TENM3: variants seen among roughly 807,000 people sequenced by gnomAD.
TENM3 encodes teneurin-3.
A neutral mutation model predicts 255.1 loss-of-function variants in TENM3; 63 were observed. The ratio of observed to expected loss-of-function variants is 0.25; its 90% confidence interval spans 0.20 to 0.30. The LOEUF (loss-of-function observed/expected upper bound fraction) is 0.30. Ranked by LOEUF, TENM3 falls within the 10% of genes least tolerant of loss-of-function variation. The pLI is 1.00. For missense variants in TENM3, 2,929 were observed against 3,461.1 expected, an observed-to-expected ratio of 0.85 and a Z score of 3.86; for synonymous variants, 1,306 against 1,322.3, an observed-to-expected ratio of 0.99 and a Z score of 0.27.
the TENM3 span, among the ~76,000 whole-genome samples, chr4:181,536,055 A>G: frequency 0.018 from 2,720 of 152,304 alleles, 86 homozygotes; most frequent in African/African-American, 0.062. Flanking sequence ...CCGCACCTGT[A>G]TATTTTATGA....
the TENM3 span, among the ~76,000 whole-genome samples, chr4:181,937,573 G>A: frequency 1.3e-5 from 2 of 152,214 alleles, no homozygotes; most frequent in African/African-American, 2.4e-5. Context: ...TAAAGAACAT[G>A]AGGACAGACG....
At chr4:182,787,593 G>C (rs1184010301) in intron 24 of TENM3, among the ~76,000 whole-genome samples, 3 of 151,974 alleles carry the variant, frequency 2.0e-5, no homozygotes, top group Non-Finnish European at 4.4e-5. Context: ...AATTAGCTGG[G>C]TATGGTGGCA....
At chr4:181,941,057 C>T in the TENM3 span, among the ~76,000 whole-genome samples, 1 of 152,288 alleles carries the variant, frequency 6.6e-6, no homozygotes, top group Non-Finnish European at 1.5e-5. Flanking sequence ...AACCATTCCC[C>T]GAGCTTCAGA....
chr4:182,331,963 C>T (rs948070114), intron 2 of TENM3, among the ~76,000 whole-genome samples: 2 of 152,088 alleles, frequency 1.3e-5, no homozygotes, highest in Non-Finnish European at 2.9e-5. Context: ...AAAAATAAGA[C>T]AGCAATTACA....
the TENM3 span, among the ~76,000 whole-genome samples, chr4:181,504,422 C>G: frequency 6.6e-6 from 1 of 152,162 alleles, no homozygotes; most frequent in Non-Finnish European, 1.5e-5. Context: ...CAGAAGAAAA[C>G]AGGAACTGCT....
chr4:181,712,583 T>C, the TENM3 span, among the ~76,000 whole-genome samples: 1 of 152,204 alleles, frequency 6.6e-6, no homozygotes, highest in Admixed American at 6.5e-5. Context: ...GGTATTTCTA[T>C]ATAGCAATGA....
At chr4:182,733,224 G>A (rs985794999) in intron 16 of TENM3, among the ~76,000 whole-genome samples, 3 of 152,168 alleles carry the variant, frequency 2.0e-5, no homozygotes, top group African/African-American at 7.2e-5. Flanking sequence ...AAATAGAAGG[G>A]GATTCTTGGC....
chr4:182,271,278 T>C (rs1475947556), intron 1 of TENM3, among the ~76,000 whole-genome samples: 1 of 152,166 alleles, frequency 6.6e-6, no homozygotes, highest in Non-Finnish European at 1.5e-5. Context: ...ACCCCCTTCC[T>C]AAGTGCGGCT....
chr4:182,107,849 T>C, the TENM3 span, among the ~76,000 whole-genome samples: 1 of 152,174 alleles, frequency 6.6e-6, no homozygotes, highest in Non-Finnish European at 1.5e-5. Flanking sequence ...GATTTCCAAA[T>C]AGTTTCACAG....
chr4:181,495,252 G>T, the TENM3 span, among the ~76,000 whole-genome samples: 329 of 152,202 alleles, frequency 2.2e-3, no homozygotes, highest in Middle Eastern at 6.8e-3. Context: ...GTTAAGTCTG[G>T]GCTACAAACT....
chr4:182,788,021 A>T (rs187385832), intron 24 of TENM3, among the ~76,000 whole-genome samples: 2 of 152,352 alleles, frequency 1.3e-5, no homozygotes, highest in Non-Finnish European at 2.9e-5. Flanking sequence ...ATGTATATAC[A>T]CATATATTTA....
the TENM3 span, among the ~76,000 whole-genome samples, chr4:181,932,834 A>G: frequency 6.6e-6 from 1 of 152,366 alleles, no homozygotes; most frequent in East Asian, 1.9e-4. Context: ...CTGTGCAGCC[A>G]TAAAAAAGAA....
At chr4:181,536,832 TA>T in the TENM3 span, among the ~76,000 whole-genome samples, 1 of 152,196 alleles carries the variant, frequency 6.6e-6, no homozygotes, top group South Asian at 2.1e-4. Flanking sequence ...CCCTTGGCTT[TA>T]AAAAGGCAGT....
chr4:182,601,326 C>A (rs896238090), intron 4 of TENM3, among the ~76,000 whole-genome samples, 165 bp downstream of exon 4: 6 of 151,940 alleles, frequency 3.9e-5, no homozygotes, highest in Admixed American at 2.0e-4. Context: ...TTTTTAGTTG[C>A]TGGGTCAGTG....
chr4:182,610,836 T>A (rs1006227971), intron 4 of TENM3, among the ~76,000 whole-genome samples: 3 of 150,612 alleles, frequency 2.0e-5, no homozygotes, highest in African/African-American at 7.3e-5. Context: ...CTTGACCTCC[T>A]GGGCTCAAGC....
At chr4:182,060,077 G>A in the TENM3 span, among the ~76,000 whole-genome samples, 6 of 152,108 alleles carry the variant, frequency 3.9e-5, no homozygotes, top group Non-Finnish European at 5.9e-5. Flanking sequence ...CATCTCTATC[G>A]AAAGTACAAA....
intron 1 of TENM3, among the ~76,000 whole-genome samples, chr4:182,157,818 G>A (rs923067553): frequency 2.6e-5 from 4 of 152,138 alleles, no homozygotes; most frequent in African/African-American, 4.8e-5. Context: ...AGGCATCAAC[G>A]GTAGCAAGCC....
chr4:182,043,605 G>GT, the TENM3 span, among the ~76,000 whole-genome samples: 1 of 152,210 alleles, frequency 6.6e-6, no homozygotes, highest in East Asian at 1.9e-4. Flanking sequence ...TCTCTGTCTA[G>GT]TTTTATAATA....
chr4:182,427,749 T>A (rs1771332938), intron 3 of TENM3, among the ~76,000 whole-genome samples: 1 of 152,188 alleles, frequency 6.6e-6, no homozygotes, highest in African/African-American at 2.4e-5. Context: ...TGAATTTTTA[T>A]ATTAAGAGGC....
Sources: allele counts gnomAD v4.1 joint callset (sites outside exome capture counted in the v4.1 genomes callset), GRCh38; gene constraint gnomAD v4.1.1; transcripts MANE v1.5; gene names NCBI Gene and HGNC (gene_info 2026-07-23, HGNC 2026-07-21).